PACSIN2: variants seen among roughly 807,000 people sequenced by gnomAD.
PACSIN2 encodes the protein protein kinase C and casein kinase substrate in neurons protein 2.
In PACSIN2, 25 loss-of-function variants were observed where a neutral mutation model predicts 63.8. The ratio of observed to expected loss-of-function variants is 0.39; its 90% CI spans 0.29 to 0.55. PACSIN2 has a LOEUF of 0.55. PACSIN2 is among the 20% of genes least tolerant of loss of function. The pLI is 0.62. For missense variants in PACSIN2, 518 were observed against 646.9 expected, an observed-to-expected ratio of 0.80 and a Z score of 2.16; for synonymous variants, 255 against 256.2, an observed-to-expected ratio of 1.00 and a Z score of 0.05.
In PACSIN2 at chr22:42,952,667, A is replaced by AT. The variant is rs1164741942; in HGVS notation, c.-77-40511dup. Among the ~76,000 whole-genome samples, 359 of 129,912 alleles carry AT rather than the reference A, an allele frequency of 2.8e-3. 1 individual carries two copies. Among genetic ancestry groups the AT allele is most frequent in the Middle Eastern group, 0.01 (2 of 192 alleles). 85.2% of individuals were successfully genotyped at this position (129,912 alleles called of 152,430 possible). A position where few individuals can be genotyped will look rare whatever the true frequency, so the allele number is the denominator to read the frequency against. Reference sequence around the variant, plus strand: ...GCCACCACACCCGGCCTATTTATTTATTTTTTTTTTTTTGAGATGGAGTCT... The same window carrying AT: ...GCCACCACACCCGGCCTATTTATTTATTTTTTTTTTTTTTGAGATGGAGTCT... On this transcript the variant is annotated intron_variant, in intron 1 of 10. Coordinates refer to ENST00000263246, the MANE Select transcript of PACSIN2 (RefSeq NM_001184970.3).
chr22:42,987,843 T>A (rs1164857712), intron 1 of PACSIN2, among the ~76,000 whole-genome samples: 2 of 152,070 alleles, frequency 1.3e-5, no homozygotes, highest in African/African-American at 4.8e-5. Context: ...GAACACATTT[T>A]AAAATGCCTG....
chr22:42,928,698 A>G (rs555952718), intron 1 of PACSIN2, among the ~76,000 whole-genome samples: 2 of 152,196 alleles, frequency 1.3e-5, no homozygotes, highest in Non-Finnish European at 2.9e-5. Context: ...CACTGGGTAT[A>G]CCCTACCTGG....
intron 10 of PACSIN2, among the ~76,000 whole-genome samples, chr22:42,873,566 TG>T (rs1256785965): frequency 1.3e-5 from 2 of 152,102 alleles, no homozygotes; most frequent in Admixed American, 6.5e-5. Context: ...AGTCAGGGGT[TG>T]GGGTGGTGGT....
chr22:42,975,656 TAAA>T (rs35638247), intron 1 of PACSIN2, among the ~76,000 whole-genome samples: 1 of 136,746 alleles, frequency 7.3e-6, no homozygotes, highest in African/African-American at 2.7e-5. Flanking sequence ...CAATATTCTT[TAAA>T]AAAAAAAAAA....
chr22:42,984,894 T>C (rs1031263114), intron 1 of PACSIN2, among the ~76,000 whole-genome samples: 20 of 151,770 alleles, frequency 1.3e-4, no homozygotes, highest in African/African-American at 4.6e-4. Context: ...TGGGGAGAGG[T>C]TGGAAAACAA....
Position 42,884,956 on chromosome 22 carries a change from T to C in PACSIN2, c.610-395A>G, listed in dbSNP as rs533951453. Reference sequence around the variant, plus strand: ...GCTGGGGCTGAATCCTGCAGCTCTCTTGGAGCCTCACTGTCCTTTATCAGA... The same window carrying C: ...GCTGGGGCTGAATCCTGCAGCTCTCCTGGAGCCTCACTGTCCTTTATCAGA... On this transcript the variant is annotated intron_variant, in intron 5 of 10. Coordinates refer to ENST00000263246, the MANE Select transcript of PACSIN2 (RefSeq NM_001184970.3). Among the ~76,000 whole-genome samples the C allele has an allele frequency of 1.3e-4, 20 of 152,368 alleles. No individual in the cohort carries two copies. In the South Asian group the frequency reaches 3.9e-3, roughly 30 times the overall value.
chr22:42,891,296 G>C lies in PACSIN2; in HGVS notation c.218-114C>G, dbSNP rs1460209420. On this transcript the variant is annotated intron_variant, in intron 3 of 10. Coordinates refer to ENST00000263246, the MANE Select transcript of PACSIN2 (RefSeq NM_001184970.3). ...TTAGACCACAGAGGGTTTCCTTTCA[G>C]GGTTTCAGATATTTTTCTCTCAGGG... The C allele has an allele frequency of 4.6e-6, 3 of 650,850 alleles. No homozygotes were observed. The African/African-American group carries it at 5.5e-5, about 12-fold the overall frequency. 40.3% of individuals were successfully genotyped at this position (650,850 alleles called of 1,614,324 possible).
At chr22:42,914,611 G>A (rs1931690167) in intron 1 of PACSIN2, among the ~76,000 whole-genome samples, 2 of 152,200 alleles carry the variant, frequency 1.3e-5, no homozygotes, top group Non-Finnish European at 2.9e-5. Flanking sequence ...TCTACCCAGA[G>A]CAGCTGGTCT....
chr22:42,950,282 G>A (rs1047374350), intron 1 of PACSIN2, among the ~76,000 whole-genome samples: 3 of 151,966 alleles, frequency 2.0e-5, no homozygotes, highest in African/African-American at 7.3e-5. Flanking sequence ...TTTTATATCA[G>A]AGACGAGCAT....
At chr22:43,013,462 G>C (rs934277776) in intron 1 of PACSIN2, among the ~76,000 whole-genome samples, 1 of 152,200 alleles carries the variant, frequency 6.6e-6, no homozygotes, top group African/African-American at 2.4e-5. Flanking sequence ...AAGTTTTCCA[G>C]GTGAATCAAG....
At chr22:42,926,708 T>C (rs1932558361) in intron 1 of PACSIN2, among the ~76,000 whole-genome samples, 1 of 151,788 alleles carries the variant, frequency 6.6e-6, no homozygotes, top group African/African-American at 2.4e-5. Flanking sequence ...TGAGTGCACC[T>C]GTGGTCCCAG....
chr22:42,916,555 C>T (rs977229994), intron 1 of PACSIN2, among the ~76,000 whole-genome samples: 2 of 152,134 alleles, frequency 1.3e-5, no homozygotes, highest in African/African-American at 4.8e-5. Context: ...TCCCACGGCA[C>T]GCCGCACCAG....
At chr22:43,010,097 T>C (rs1924368407) in intron 1 of PACSIN2, among the ~76,000 whole-genome samples, 1 of 151,926 alleles carries the variant, frequency 6.6e-6, no homozygotes, top group East Asian at 1.9e-4. Flanking sequence ...CTCGAACTCC[T>C]GACCTGAAGT....
intron 1 of PACSIN2, among the ~76,000 whole-genome samples, chr22:42,927,499 T>C (rs547784059): frequency 1.4e-4 from 22 of 152,308 alleles, no homozygotes; most frequent in East Asian, 1.2e-3. Flanking sequence ...TCCACCCATC[T>C]TGGCCTCCCA....
Position 42,981,539 on chromosome 22 carries a change from G to A in PACSIN2, c.-78+33482C>T, listed in dbSNP as rs1246429835. 9.7e-5 allele frequency among the ~76,000 whole-genome samples: 10 copies of A among 103,196 alleles called. No homozygotes were observed. In the South Asian group the frequency reaches 3.2e-3, roughly 33 times the overall value. 67.7% of individuals were successfully genotyped at this position (103,196 alleles called of 152,430 possible). ...AGGGAGGTGGGGGGGTCAGCCCCCC[G>A]CCCGGCCGGCCGCCCCGTCCGGGAG... is the stretch of plus-strand genomic sequence containing the variant. On this transcript the variant is annotated intron_variant, in intron 1 of 10. Coordinates refer to ENST00000263246, the MANE Select transcript of PACSIN2 (RefSeq NM_001184970.3).
At chr22:42,883,131 C>T (rs916441601) in intron 6 of PACSIN2, among the ~76,000 whole-genome samples, 2 of 152,296 alleles carry the variant, frequency 1.3e-5, no homozygotes, top group African/African-American at 4.8e-5. Flanking sequence ...AATCCAGACA[C>T]AGAGACAGAC....
At chr22:43,002,381 C>G (rs928795248) in intron 1 of PACSIN2, 2 of 152,160 alleles carry the variant, frequency 1.3e-5, no homozygotes, top group African/African-American at 4.8e-5. Flanking sequence ...ACATTAGCTC[C>G]AAGGATTAAT....
intron 10 of PACSIN2, among the ~76,000 whole-genome samples, chr22:42,872,942 C>T (rs769277710): frequency 2.0e-5 from 3 of 152,218 alleles, no homozygotes; most frequent in Non-Finnish European, 4.4e-5. Flanking sequence ...TTTTGTCCTG[C>T]CTTCATTGGT....
At chr22:42,998,271 C>A (rs1601616516) in intron 1 of PACSIN2, among the ~76,000 whole-genome samples, 1 of 152,200 alleles carries the variant, frequency 6.6e-6, no homozygotes, top group Non-Finnish European at 1.5e-5. Context: ...AATATAGGAA[C>A]CTTCTTTGCT....
Sources: gnomAD v4.1 joint callset for allele counts (sites outside exome capture counted in the v4.1 genomes callset) on GRCh38, gnomAD v4.1.1 for gene constraint, MANE v1.5 for transcripts, NCBI Gene and HGNC (gene_info 2026-07-23, HGNC 2026-07-21) for gene names.